Variants in RXRB observed in about 807,000 individuals in gnomAD.
The protein encoded by RXRB is retinoid X receptor beta.
RXRB carries 18 observed loss-of-function variants against 52.5 expected under a neutral mutation model. The ratio of observed to expected loss-of-function variants is 0.34; its 90% CI spans 0.24 to 0.51. The LOEUF is 0.51. Ranked by LOEUF, RXRB falls within the 20% of genes least tolerant of loss-of-function variation. The probability of loss-of-function intolerance (pLI) is 0.97; values close to 1 mark genes in which losing one functional copy is unlikely to be tolerated. For synonymous variants in RXRB, 233 were observed against 267.1 expected, an observed-to-expected ratio of 0.87 and a Z score of 1.25; for missense variants, 455 against 698.2, an observed-to-expected ratio of 0.65 and a Z score of 3.92.
chr6:33,197,986 C>T lies in RXRB; in HGVS notation c.641-45G>A. ...GCAATAAGAAGGTTGCATGGAGACACCTTCACCATTTAGTCTGTTTCCAAT... is the reference window on the plus strand; with the variant it reads ...GCAATAAGAAGGTTGCATGGAGACATCTTCACCATTTAGTCTGTTTCCAAT... On this transcript the variant is annotated intron_variant, in intron 3 of 9. Transcript: ENST00000374680. The surrounding 1 kb of genome is among the most constrained non-coding windows in gnomAD (Gnocchi z 4.4). 6.3e-7 allele frequency: 1 copy of T among 1,581,072 alleles called. No individual in the cohort carries two copies. Among genetic ancestry groups the T allele is most frequent in the Non-Finnish European group, 8.6e-7 (1 of 1,158,010 alleles).
chr6:33,194,601 C>T lies in RXRB; in HGVS notation c.*81G>A. ...CCCATCAAGGTTCTGGGAACATGGC[C>T]CCCCACCCTGCCCCAGGGCTTGGAG... On this transcript the variant is annotated 3_prime_UTR_variant, in exon 10 of 10. Transcript: ENST00000374680. This position sits in a 1 kb window ranked among gnomAD's most constrained non-coding sequence, Gnocchi z 4.1. 1 of 1,492,736 alleles carries T rather than the reference C, an allele frequency of 6.7e-7. No homozygotes were observed. Among genetic ancestry groups the T allele is most frequent in the Non-Finnish European group, 9.1e-7 (1 of 1,099,592 alleles). The allele number at this position is 1,492,736 out of a possible 1,614,324, so 92.5% of individuals were successfully genotyped here. A position where few individuals can be genotyped will look rare whatever the true frequency, so the allele number is the denominator to read the frequency against.
rs1773791989 is a variant in RXRB, at chr6:33,195,030, G to C, written c.1369C>G (p.Pro457Ala). The part of the protein sequence containing the change: ...FNPDAKGLSN[P>A]SEVEVLREKV... The stretch of plus-strand genomic sequence containing the variant: ...TCCCGCAGGACCTCCACCTCACTAG[G>C]GTTGGAGAGGCCCTTGGCATCTGGG... The change falls in exon 9 of 10, where the codon CCT becomes GCT. Residue 457 changes from proline to alanine, a missense_variant. By Grantham distance (27) the Pro-to-Ala change is conservative (BLOSUM62 -1). Around this residue, in one of 4 missense-constraint regions of RXRB, gnomAD observed 115 missense variants for 253.1 expected, o/e 0.45. Coordinates refer to ENST00000374680, the MANE Select transcript of RXRB (RefSeq NM_021976.5). This position sits in a 1 kb window ranked among gnomAD's most constrained non-coding sequence, Gnocchi z 8.6. The C allele has an allele frequency of 6.2e-7, 1 of 1,611,862 alleles. No individual in the cohort carries two copies. Among genetic ancestry groups the C allele is most frequent in the Non-Finnish European group, 8.5e-7 (1 of 1,179,178 alleles).
At chr6:33,200,694 G>A, upstream of RXRB, 2 of 1,545,808 alleles carry the variant, frequency 1.3e-6, no homozygotes, top group Non-Finnish European at 1.7e-6. This position sits in a 1 kb window ranked among gnomAD's most constrained non-coding sequence, Gnocchi z 6.3. Context: ...CCGCCCCCTC[G>A]TCTAGTTGGA....
intron 3 of RXRB, 39 bp downstream of exon 3, chr6:33,198,269 C>T (rs780882636): frequency 1.9e-6 from 3 of 1,612,422 alleles, no homozygotes; most frequent in Non-Finnish European, 2.5e-6. Context: ...GATACATGGC[C>T]CAGACTCTCC....
chr6:33,196,045 G>A lies in RXRB; in HGVS notation c.994-9C>T, dbSNP rs1447183648. ...GTCACAGGGTCATTTGGCTGCAGGG[G>A]ACGGGGGTAAGAGTTATGGAAGATT... On this transcript the variant is annotated splice_polypyrimidine_tract_variant and intron_variant, in intron 5 of 9. Transcript: ENST00000374680. This position sits in a 1 kb window ranked among gnomAD's most constrained non-coding sequence, Gnocchi z 4.0. 1.9e-6 allele frequency: 3 copies of A among 1,612,984 alleles called. No individual in the cohort carries two copies. Among genetic ancestry groups the A allele is most frequent in the Non-Finnish European group, 1.7e-6 (2 of 1,179,994 alleles).
In RXRB at chr6:33,195,429, T is replaced by C; in HGVS notation, c.1282A>G (p.Met428Val). The C allele has an allele frequency of 6.2e-7, 1 of 1,612,804 alleles. No individual in the cohort carries two copies. Among genetic ancestry groups the C allele is most frequent in the Non-Finnish European group, 8.5e-7 (1 of 1,179,754 alleles). ...GTCTTGTCCATCCTCATGTCACGCA[T>C]TTTGGACACTAGCTCTGTCAGCACC... is the stretch of plus-strand genomic sequence containing the variant. ...DRVLTELVSKMRDMRMDKTEL... is the reference protein window; with the variant it reads ...DRVLTELVSKVRDMRMDKTEL... Residue 428 changes from methionine to valine, a missense_variant, in exon 8 of 10, where the codon ATG (methionine) becomes GTG (valine). Physicochemically the swap from Met to Val is conservative, Grantham distance 21 (BLOSUM62 1). This residue lies in a region of RXRB where 115 missense variants were observed against 253.1 expected (regional missense o/e 0.45). Transcript: ENST00000374680. The surrounding 1 kb of genome is among the most constrained non-coding windows in gnomAD (Gnocchi z 8.6).
chr6:33,200,005 C>G lies in RXRB; in HGVS notation c.235+237G>C, dbSNP rs1385200101. 5.2e-6 allele frequency: 4 copies of G among 774,380 alleles called. No homozygotes were observed. Among genetic ancestry groups the G allele is most frequent in the Non-Finnish European group, 9.4e-6 (4 of 427,620 alleles). The allele number at this position is 774,380 out of a possible 1,614,324, so 48.0% of individuals were successfully genotyped here. A position where few individuals can be genotyped will look rare whatever the true frequency, so the allele number is the denominator to read the frequency against. ...AGGTTTAAGAGGAATCGTGCCCTTCCCAGGCCCGCGACCTCCGGTGCCCAA... is the reference window on the plus strand; with the variant it reads ...AGGTTTAAGAGGAATCGTGCCCTTCGCAGGCCCGCGACCTCCGGTGCCCAA... On this transcript the variant is annotated intron_variant, in intron 1 of 9. Coordinates refer to ENST00000374680, the MANE Select transcript of RXRB (RefSeq NM_021976.5). This position sits in a 1 kb window ranked among gnomAD's most constrained non-coding sequence, Gnocchi z 6.3.
chr6:33,198,060 T>C, intron 3 of RXRB, 119 bp from the exon 4 acceptor site: 2 of 1,168,292 alleles, frequency 1.7e-6, no homozygotes, highest in Non-Finnish European at 2.4e-6. Flanking sequence ...AATACAGAGA[T>C]AGGGAACCAG....
chr6:33,194,608 C>G lies in RXRB; in HGVS notation c.*74G>C. On this transcript the variant is annotated 3_prime_UTR_variant, in exon 10 of 10. Transcript: ENST00000374680. This position sits in a 1 kb window ranked among gnomAD's most constrained non-coding sequence, Gnocchi z 4.1. Reference sequence around the variant, plus strand: ...AGGTTCTGGGAACATGGCCCCCCACCCTGCCCCAGGGCTTGGAGTCCCTCT... The same window carrying G: ...AGGTTCTGGGAACATGGCCCCCCACGCTGCCCCAGGGCTTGGAGTCCCTCT... 4 of 1,533,802 alleles carry G rather than the reference C, an allele frequency of 2.6e-6. No homozygotes were observed. Among genetic ancestry groups the G allele is most frequent in the Non-Finnish European group, 3.5e-6 (4 of 1,131,010 alleles).
chr6:33,199,044 G>T, intron 2 of RXRB, 125 bp downstream of exon 2: 1 of 609,134 alleles, frequency 1.6e-6, no homozygotes, highest in Non-Finnish European at 2.5e-6. Context: ...AAAGACCACA[G>T]GCCTGACAAG....
rs1562413348 is a variant in RXRB, at chr6:33,196,623, G to GA, written c.821-18dup. On this transcript the variant is annotated splice_polypyrimidine_tract_variant and intron_variant, in intron 4 of 9. Transcript: ENST00000374680. This position sits in a 1 kb window ranked among gnomAD's most constrained non-coding sequence, Gnocchi z 4.0. ...CCTGTACCGCTGCAGGGGGAAGGGG[G>GA]AGAGAAAAAATGGAAAGTCAGCAGC... 29 of 1,568,978 alleles carry GA rather than the reference G, an allele frequency of 1.8e-5. No homozygotes were observed. Among genetic ancestry groups the GA allele is most frequent in the Non-Finnish European group, 2.5e-5 (29 of 1,159,364 alleles).
Position 33,194,658 on chromosome 6 carries a change from G to A in RXRB, c.*24C>T, listed in dbSNP as rs779324199. Reference sequence around the variant, plus strand: ...TTGGATGTGTGCTCCTCCAGTGTGAGAAGCACCACGTCTGGGTCTGAGCTC... The same window carrying A: ...TTGGATGTGTGCTCCTCCAGTGTGAAAAGCACCACGTCTGGGTCTGAGCTC... On this transcript the variant is annotated 3_prime_UTR_variant, in exon 10 of 10. Transcript: ENST00000374680. This position sits in a 1 kb window ranked among gnomAD's most constrained non-coding sequence, Gnocchi z 4.1. The A allele has an allele frequency of 6.2e-7, 1 of 1,609,580 alleles. No individual in the cohort carries two copies. Among genetic ancestry groups the A allele is most frequent in the Non-Finnish European group, 8.5e-7 (1 of 1,178,192 alleles).
At position 33,194,622 on chromosome 6, in the gene RXRB, T is replaced by G; in HGVS notation, c.*60A>C. 6.3e-7 allele frequency: 1 copy of G among 1,574,974 alleles called. No individual in the cohort carries two copies. Among genetic ancestry groups the G allele is most frequent in the Non-Finnish European group, 8.6e-7 (1 of 1,158,424 alleles). On this transcript the variant is annotated 3_prime_UTR_variant, in exon 10 of 10. Transcript: ENST00000374680. The surrounding 1 kb of genome is among the most constrained non-coding windows in gnomAD (Gnocchi z 4.1). Reference sequence around the variant, plus strand: ...TGGCCCCCCACCCTGCCCCAGGGCTTGGAGTCCCTCTTGGATGTGTGCTCC... The same window carrying G: ...TGGCCCCCCACCCTGCCCCAGGGCTGGGAGTCCCTCTTGGATGTGTGCTCC...
chr6:33,200,094 G>A lies in RXRB; in HGVS notation c.235+148C>T. The A allele has an allele frequency of 8.7e-7, 1 of 1,149,516 alleles. No individual in the cohort carries two copies. The highest frequency in any genetic ancestry group is 1.2e-5 in the South Asian group (1 of 81,530). The allele number at this position is 1,149,516 out of a possible 1,614,324, so 71.2% of individuals were successfully genotyped here. On this transcript the variant is annotated intron_variant, in intron 1 of 9. Transcript: ENST00000374680. The surrounding 1 kb of genome is among the most constrained non-coding windows in gnomAD (Gnocchi z 6.3). ...CTTCCCCGCCCCGCCCCGGGGGGGA[G>A]GGTGCTAAGGCCCTCGGGAGGGAGG...
Position 33,196,372 on chromosome 6 carries a change from A to T in RXRB, c.993+62T>A. The stretch of plus-strand genomic sequence containing the variant: ...AAAGGAGGGGGAGGGGATGTAGAAC[A>T]GACCTAGACTGCCTCCCCCAACCCC... On this transcript the variant is annotated intron_variant, in intron 5 of 9. Coordinates refer to ENST00000374680, the MANE Select transcript of RXRB (RefSeq NM_021976.5). This position sits in a 1 kb window ranked among gnomAD's most constrained non-coding sequence, Gnocchi z 4.0. 3 of 1,501,712 alleles carry T rather than the reference A, an allele frequency of 2.0e-6. No individual in the cohort carries two copies. The highest frequency in any genetic ancestry group is 2.8e-6 in the Non-Finnish European group (3 of 1,078,742). The allele number at this position is 1,501,712 out of a possible 1,614,324, so 93.0% of individuals were successfully genotyped here.
rs748995670 is a variant in RXRB, at chr6:33,196,404, G to A, written c.993+30C>T. ...GACTGCCTCCCCCAACCCCCATCAC[G>A]AAGGAGAGTGGATTGACCCCAACAC... On this transcript the variant is annotated intron_variant, in intron 5 of 9. Coordinates refer to ENST00000374680, the MANE Select transcript of RXRB (RefSeq NM_021976.5). The surrounding 1 kb of genome is among the most constrained non-coding windows in gnomAD (Gnocchi z 4.0). 14 of 1,608,368 alleles carry A rather than the reference G, an allele frequency of 8.7e-6. No individual in the cohort carries two copies. The highest frequency in any genetic ancestry group is 1.1e-5 in the Non-Finnish European group (13 of 1,175,984).
chr6:33,195,486 C>A lies in RXRB; in HGVS notation c.1257-32G>T. ...AGGGACCTGCAGGTCACTCAAAGGT[C>A]ACAGCTCAGCCAGCCTTGGACACGG... On this transcript the variant is annotated intron_variant, in intron 7 of 9. Coordinates refer to ENST00000374680, the MANE Select transcript of RXRB (RefSeq NM_021976.5). The surrounding 1 kb of genome is among the most constrained non-coding windows in gnomAD (Gnocchi z 8.6). The A allele has an allele frequency of 6.2e-7, 1 of 1,612,360 alleles. No individual in the cohort carries two copies. The highest frequency in any genetic ancestry group is 8.5e-7 in the Non-Finnish European group (1 of 1,179,368).
At position 33,197,758 on chromosome 6, in the gene RXRB, T is replaced by C. The variant is rs1213659059; in HGVS notation, c.820+4A>G. On this transcript the variant is annotated splice_donor_region_variant and intron_variant, in intron 4 of 9. Coordinates refer to ENST00000374680, the MANE Select transcript of RXRB (RefSeq NM_021976.5). The surrounding 1 kb of genome is among the most constrained non-coding windows in gnomAD (Gnocchi z 4.4). Reference sequence around the variant, plus strand: ...TAAGACGCCTGGGCAGGGCGGGTCCTTACCCTCCCTCTTCATGCCAGTGGC... The same window carrying C: ...TAAGACGCCTGGGCAGGGCGGGTCCCTACCCTCCCTCTTCATGCCAGTGGC... 1.2e-5 allele frequency: 20 copies of C among 1,613,538 alleles called. No homozygotes were observed. The highest frequency in any genetic ancestry group is 1.6e-5 in the Non-Finnish European group (19 of 1,179,788).
In RXRB at chr6:33,197,701, C is replaced by T; in HGVS notation, c.820+61G>A. 6.6e-7 allele frequency: 1 copy of T among 1,519,956 alleles called. No homozygotes were observed. The highest frequency in any genetic ancestry group is 9.1e-7 in the Non-Finnish European group (1 of 1,103,508). 94.2% of individuals were successfully genotyped at this position (1,519,956 alleles called of 1,614,324 possible). Reference sequence around the variant, plus strand: ...CCACCCTTCCAGAGAGGTACACAGTCTGAGTGGGATAAGGGAGAAGGGCAT... The same window carrying T: ...CCACCCTTCCAGAGAGGTACACAGTTTGAGTGGGATAAGGGAGAAGGGCAT... On this transcript the variant is annotated intron_variant, in intron 4 of 9. Coordinates refer to ENST00000374680, the MANE Select transcript of RXRB (RefSeq NM_021976.5). The surrounding 1 kb of genome is among the most constrained non-coding windows in gnomAD (Gnocchi z 4.4).
Sources: gnomAD v4.1 joint callset for allele counts on GRCh38, gnomAD v4.1.1 for gene constraint, gnomAD v4.1.1 regional missense constraint, Gnocchi (gnomAD v3.1) non-coding constraint, MANE v1.5 for transcripts, NCBI Gene and HGNC (gene_info 2026-07-23, HGNC 2026-07-21) for gene names.